Variants in CD44 observed in about 807,000 individuals in gnomAD.
The protein encoded by CD44 is CD44 molecule (IN blood group).
In CD44, 49 loss-of-function variants were observed where a neutral mutation model predicts 88.8. The ratio of observed to expected loss-of-function variants is 0.55; its 90% CI spans 0.44 to 0.70. The LOEUF (loss-of-function observed/expected upper bound fraction) is 0.70, where lower values mean the gene tolerates loss of function less well. CD44 is among the 30% of genes least tolerant of loss of function. The pLI is 0.00. For synonymous variants in CD44, 325 were observed against 312.3 expected, an observed-to-expected ratio of 1.04 and a Z score of -0.43; for missense variants, 883 against 913.8, an observed-to-expected ratio of 0.97 and a Z score of 0.43.
At chr11:35,206,426 T>C (rs1435446245) in intron 11 of CD44, among the ~76,000 whole-genome samples, 183 bp downstream of exon 11, 2 of 152,142 alleles carry the variant, frequency 1.3e-5, no homozygotes, top group Non-Finnish European at 2.9e-5. Context: ...TATGAAGTTC[T>C]GAGCTGAAAG....
intron 3 of CD44, among the ~76,000 whole-genome samples, chr11:35,182,830 A>T (rs1945287228): frequency 6.6e-6 from 1 of 152,204 alleles, no homozygotes; most frequent in African/African-American, 2.4e-5. Flanking sequence ...GCAATAAATT[A>T]TGTAGTTGCA....
intron 1 of CD44, among the ~76,000 whole-genome samples, chr11:35,161,537 G>A (rs1942613659): frequency 6.6e-6 from 1 of 152,200 alleles, no homozygotes; most frequent in South Asian, 2.1e-4. Flanking sequence ...GCTTGGGAGT[G>A]GACACATCAC....
intron 5 of CD44, among the ~76,000 whole-genome samples, chr11:35,195,636 A>G (rs1407563177): frequency 6.6e-6 from 1 of 151,790 alleles, no homozygotes; most frequent in Non-Finnish European, 1.5e-5. Context: ...CTCTGCTTGA[A>G]CTTGTTCTCA....
chr11:35,147,710 G>C (rs148121988), intron 1 of CD44, among the ~76,000 whole-genome samples: 1 of 151,994 alleles, frequency 6.6e-6, no homozygotes, highest in Non-Finnish European at 1.5e-5. Flanking sequence ...GAACTAGGCA[G>C]CATCTTTTTC....
At chr11:35,176,952 A>T (rs1447231483) in intron 2 of CD44, 1 of 517,292 alleles carries the variant, frequency 1.9e-6, no homozygotes, top group African/African-American at 2.0e-5. Flanking sequence ...TAGAGCGGGA[A>T]CCCAGAGGAA....
At position 35,182,161 on chromosome 11, in the gene CD44, G is replaced by A. The variant is rs1020985978; in HGVS notation, c.367+1754G>A. 2.0e-5 allele frequency among the ~76,000 whole-genome samples: 3 copies of A among 148,468 alleles called. No homozygotes were observed. The Admixed American group carries it at 2.1e-4, about 10-fold the overall frequency. On this transcript the variant is annotated intron_variant, in intron 3 of 17. Transcript: ENST00000428726. ...TGCATGGATTTTTAAACTATAAAAA[G>A]GACATCAACTTAATTATGAGATCTT...
chr11:35,181,381 A>T (rs1398905484), intron 3 of CD44, among the ~76,000 whole-genome samples: 1 of 152,148 alleles, frequency 6.6e-6, no homozygotes, highest in Non-Finnish European at 1.5e-5. Context: ...TCCTAGCAAA[A>T]TTAAAGAATT....
intron 1 of CD44, among the ~76,000 whole-genome samples, chr11:35,157,321 G>GTCTA (rs3838798): frequency 0.48 from 70,516 of 146,896 alleles, 17,212 homozygotes; most frequent in Middle Eastern, 0.53. Context: ...CTGTCTGTCT[G>GTCTA]TCTATCTATC....
At chr11:35,201,500 A>G (rs1947314325) in intron 8 of CD44, 171 bp from the exon 9 acceptor site, 1 of 704,624 alleles carries the variant, frequency 1.4e-6, no homozygotes, top group African/African-American at 1.8e-5. Flanking sequence ...AAGCCCATTG[A>G]TTTTCTCTTG....
At chr11:35,169,078 T>C (rs773530263) in intron 1 of CD44, among the ~76,000 whole-genome samples, 36 of 152,126 alleles carry the variant, frequency 2.4e-4, no homozygotes, top group African/African-American at 8.4e-4. Context: ...TCCTCAGATA[T>C]GATGTGGGAA....
intron 13 of CD44, 44 bp from the exon 14 acceptor site, chr11:35,211,202 G>T: frequency 6.8e-7 from 1 of 1,464,104 alleles, no homozygotes. Flanking sequence ...GGTGGGTGGT[G>T]ATCTTACAAA....
intron 15 of CD44, among the ~76,000 whole-genome samples, chr11:35,218,527 C>T (rs938369898): frequency 6.6e-5 from 10 of 151,842 alleles, no homozygotes; most frequent in Non-Finnish European, 1.3e-4. Flanking sequence ...CGGGGTTTCA[C>T]CATGTTGACT....
intron 10 of CD44, chr11:35,205,598 G>A (rs1439492359): frequency 6.5e-6 from 1 of 155,034 alleles, no homozygotes; most frequent in Non-Finnish European, 1.4e-5. Flanking sequence ...ATTGTTAGAA[G>A]GTAATGCTTC....
chr11:35,154,522 T>C (rs1377701151), intron 1 of CD44, among the ~76,000 whole-genome samples: 1 of 152,246 alleles, frequency 6.6e-6, no homozygotes, highest in East Asian at 1.9e-4. Flanking sequence ...AATAGAAATA[T>C]TTAAAAATTA....
intron 10 of CD44, chr11:35,205,631 T>G: frequency 2.9e-5 from 5 of 172,598 alleles, no homozygotes; most frequent in Non-Finnish European, 4.6e-5. Context: ...TTCATGCTTT[T>G]GAGATAAATG....
intron 12 of CD44, among the ~76,000 whole-genome samples, chr11:35,209,540 A>G (rs1278476605): frequency 6.6e-6 from 1 of 151,938 alleles, no homozygotes; most frequent in East Asian, 1.9e-4. Flanking sequence ...CATAGTGTTC[A>G]TTTTCCCTGC....
chr11:35,174,207 G>A (rs1477050080), intron 1 of CD44, among the ~76,000 whole-genome samples: 1 of 152,148 alleles, frequency 6.6e-6, no homozygotes, highest in Non-Finnish European at 1.5e-5. Context: ...TCACTTCCTT[G>A]GGCAACTCAC....
rs948023748 is a variant in CD44, at chr11:35,230,445, T to C, written c.*1112T>C. 3.3e-5 allele frequency: 5 copies of C among 152,224 alleles called. No individual in the cohort carries two copies. Among genetic ancestry groups the C allele is most frequent in the Non-Finnish European group, 5.9e-5 (4 of 68,042 alleles). 9.4% of individuals were successfully genotyped at this position (152,224 alleles called of 1,614,324 possible). ...TCCAAAAACAATATGGAAGTGCCTT[T>C]TGATGTCTTACAATAAGAGAAGAAG... On this transcript the variant is annotated 3_prime_UTR_variant, in exon 18 of 18. Coordinates refer to ENST00000428726, the MANE Select transcript of CD44 (RefSeq NM_000610.4).
chr11:35,184,445 C>T (rs1057031270), intron 3 of CD44, among the ~76,000 whole-genome samples: 2 of 152,150 alleles, frequency 1.3e-5, no homozygotes, highest in Admixed American at 1.3e-4. Flanking sequence ...TAATCCAAAG[C>T]CTGGTTCCAG....
Sources: allele counts gnomAD v4.1 joint callset (sites outside exome capture counted in the v4.1 genomes callset), GRCh38; gene constraint gnomAD v4.1.1; transcripts MANE v1.5; gene names NCBI Gene and HGNC (gene_info 2026-07-23, HGNC 2026-07-21).